ATP2B1: variants seen among roughly 807,000 people sequenced by gnomAD.
ATP2B1 encodes plasma membrane calcium-transporting ATPase 1.
Under a neutral mutation model 124.2 loss-of-function variants are expected in ATP2B1, and 14 were observed. That is an observed-to-expected ratio of 0.11 (90% confidence interval 0.07 to 0.18). The LOEUF (loss-of-function observed/expected upper bound fraction) is 0.18. Ranked by LOEUF, ATP2B1 falls within the 10% of genes least tolerant of loss-of-function variation. ATP2B1 has a pLI of 1.00. For missense variants in ATP2B1, 763 were observed against 1,466.1 expected, an observed-to-expected ratio of 0.52 and a Z score of 7.83; for synonymous variants, 449 against 492.4, an observed-to-expected ratio of 0.91 and a Z score of 1.17.
chr12:89,701,616 T>C (rs768470550), intron 1 of ATP2B1, among the ~76,000 whole-genome samples: 10 of 152,254 alleles, frequency 6.6e-5, no homozygotes, highest in African/African-American at 1.9e-4. Flanking sequence ...TTCTGGAAGA[T>C]AGCTACATAC....
In ATP2B1 at chr12:89,603,887, G is replaced by T. The variant is rs760937094; in HGVS notation, c.2673C>A (p.Asn891Lys). ...GGGAAGCGAGTGTATCCATTATGAG[G>T]TTTACCCACAGCATCTGCACAGCCT... ...PLKAVQMLWV[N>K]LIMDTLASLA... is the part of the protein sequence containing the mutation. The change falls in exon 17 of 21, where the codon AAC (asparagine) becomes AAA (lysine). Residue 891 changes from asparagine to lysine, a missense_variant. By Grantham distance (94) the Asn-to-Lys change is moderately conservative. This residue lies in a region of ATP2B1 where 51 missense variants were observed against 192.8 expected (regional missense o/e 0.26). Transcript: ENST00000428670. The surrounding 1 kb of genome is among the most constrained non-coding windows in gnomAD (Gnocchi z 4.3). 6.2e-7 allele frequency: 1 copy of T among 1,613,944 alleles called. No homozygotes were observed.
At chr12:89,684,629 C>T (rs1889750820) in intron 1 of ATP2B1, among the ~76,000 whole-genome samples, 1 of 152,116 alleles carries the variant, frequency 6.6e-6, no homozygotes, top group African/African-American at 2.4e-5. Context: ...CAGCTAAAAT[C>T]AGCCACACCA....
intron 1 of ATP2B1, among the ~76,000 whole-genome samples, chr12:89,684,765 A>G (rs1889763615): frequency 6.6e-6 from 1 of 152,136 alleles, no homozygotes; most frequent in Non-Finnish European, 1.5e-5. Context: ...CAGCGGAGAG[A>G]AACTTGGCTT....
At chr12:89,604,889 C>T (rs1231061023) in intron 15 of ATP2B1, among the ~76,000 whole-genome samples, 2 of 144,854 alleles carry the variant, frequency 1.4e-5, no homozygotes, top group African/African-American at 5.0e-5. Context: ...GGCAGATTTA[C>T]GTGGCACTGG....
chr12:89,698,765 A>G (rs541790278), intron 1 of ATP2B1, among the ~76,000 whole-genome samples: 2 of 152,326 alleles, frequency 1.3e-5, no homozygotes, highest in South Asian at 4.1e-4. Flanking sequence ...GACACAGCCA[A>G]TGTCCGATTC....
chr12:89,598,959 T>C (rs911241124), intron 20 of ATP2B1, among the ~76,000 whole-genome samples, 158 bp downstream of exon 20: 2 of 152,124 alleles, frequency 1.3e-5, no homozygotes, highest in Non-Finnish European at 2.9e-5. Flanking sequence ...CAGTTAAAAG[T>C]CTCACTCATT....
rs1876254231 is a variant in ATP2B1, at chr12:89,603,413, T to TTATA, written c.2849-163_2849-160dup. Reference sequence around the variant, plus strand: ...GATTATCTAGTACAACTCTCTTGTTTTATAGGCAAGGAAACAGAAGCTCCC... The same window carrying TTATA: ...GATTATCTAGTACAACTCTCTTGTTTTATATATAGGCAAGGAAACAGAAGCTCCC... On this transcript the variant is annotated intron_variant, in intron 17 of 20. Transcript: ENST00000428670. The surrounding 1 kb of genome is among the most constrained non-coding windows in gnomAD (Gnocchi z 4.3). 1.4e-6 allele frequency: 1 copy of TTATA among 690,996 alleles called. No homozygotes were observed. The highest frequency in any genetic ancestry group is 1.8e-5 in the African/African-American group (1 of 55,408). 42.8% of individuals were successfully genotyped at this position (690,996 alleles called of 1,614,324 possible).
chr12:89,693,434 T>A (rs1202737604), intron 1 of ATP2B1, among the ~76,000 whole-genome samples: 2 of 152,172 alleles, frequency 1.3e-5, no homozygotes, highest in African/African-American at 4.8e-5. Context: ...GATAAGCACC[T>A]AACTTTCTGG....
At chr12:89,659,336 G>C (rs372054849) in intron 1 of ATP2B1, among the ~76,000 whole-genome samples, 1 of 149,880 alleles carries the variant, frequency 6.7e-6, no homozygotes, top group African/African-American at 2.5e-5. Context: ...ACCACTGTTG[G>C]TAGTCTTTGA....
intron 1 of ATP2B1, among the ~76,000 whole-genome samples, chr12:89,689,791 T>C (rs557068158): frequency 2.0e-5 from 3 of 152,132 alleles, no homozygotes; most frequent in Admixed American, 6.6e-5. Context: ...CTCATACACA[T>C]AGTACACACA....
chr12:89,637,473 G>A (rs971526310), intron 3 of ATP2B1, among the ~76,000 whole-genome samples: 4 of 150,974 alleles, frequency 2.6e-5, no homozygotes, highest in Non-Finnish European at 5.9e-5. Context: ...GTGCAGTGGT[G>A]CCAATGTGGC....
intron 1 of ATP2B1, among the ~76,000 whole-genome samples, chr12:89,667,981 C>T (rs1353858191): frequency 6.6e-6 from 1 of 152,124 alleles, no homozygotes; most frequent in Non-Finnish European, 1.5e-5. Flanking sequence ...ATACAATGAA[C>T]ACAAAGTGTT....
chr12:89,599,431 T>C, intron 19 of ATP2B1, 132 bp from the exon 20 acceptor site: 1 of 927,206 alleles, frequency 1.1e-6, no homozygotes, highest in Non-Finnish European at 1.6e-6. Context: ...TGGGATCCTG[T>C]TGATTAGTCT....
intron 13 of ATP2B1, chr12:89,610,787 A>G (rs1384410400): frequency 2.6e-6 from 1 of 380,474 alleles, no homozygotes; most frequent in Non-Finnish European, 4.7e-6. Context: ...TCATTATGAG[A>G]CCAAATTTAA....
chr12:89,619,926 A>G (rs1592759800), intron 11 of ATP2B1, 73 bp downstream of exon 11: 1 of 1,537,924 alleles, frequency 6.5e-7, no homozygotes, highest in Non-Finnish European at 8.8e-7. Flanking sequence ...AGACAACAAC[A>G]ATAACAACAC....
chr12:89,673,285 T>C (rs1345300927), intron 1 of ATP2B1, among the ~76,000 whole-genome samples: 1 of 152,204 alleles, frequency 6.6e-6, no homozygotes, highest in Non-Finnish European at 1.5e-5. Context: ...CCTGAACTTG[T>C]TTTTACCTAC....
At chr12:89,652,911 C>T (rs1316879199) in intron 2 of ATP2B1, among the ~76,000 whole-genome samples, 2 of 152,082 alleles carry the variant, frequency 1.3e-5, no homozygotes. Context: ...TTTTTATTTG[C>T]AGAGATGGGG....
chr12:89,632,831 A>G (rs1882090583), intron 5 of ATP2B1, among the ~76,000 whole-genome samples: 2 of 152,174 alleles, frequency 1.3e-5, no homozygotes, highest in African/African-American at 4.8e-5. Context: ...TAAATGTGGA[A>G]AATTTATAGA....
chr12:89,628,822 C>G (rs1294527573), intron 6 of ATP2B1, among the ~76,000 whole-genome samples: 1 of 151,938 alleles, frequency 6.6e-6, no homozygotes, highest in African/African-American at 2.4e-5. Flanking sequence ...TAATACCTAG[C>G]TACTTTTAAT....
Sources: gnomAD v4.1 joint callset for allele counts (sites outside exome capture counted in the v4.1 genomes callset) on GRCh38, gnomAD v4.1.1 for gene constraint, gnomAD v4.1.1 regional missense constraint, Gnocchi (gnomAD v3.1) non-coding constraint, MANE v1.5 for transcripts, NCBI Gene and HGNC (gene_info 2026-07-23, HGNC 2026-07-21) for gene names.